C4BPA: variants seen among roughly 807,000 people sequenced by gnomAD.
C4BPA encodes the protein C4b-binding protein alpha chain.
C4BPA carries 31 observed loss-of-function variants against 63.7 expected under a neutral mutation model. The ratio of observed to expected loss-of-function variants is 0.49; its 90% confidence interval spans 0.37 to 0.66. The LOEUF is 0.66. Among genes scored for constraint, C4BPA ranks in the 30% least tolerant of loss-of-function variants. C4BPA has a pLI of 0.00. For missense variants in C4BPA, 572 were observed against 723.3 expected (o/e 0.79, Z 2.40); for synonymous variants, 259 against 254.7 (o/e 1.02, Z -0.16).
chr1:207,121,751 A>G (rs1398131588), intron 4 of C4BPA, among the ~76,000 whole-genome samples: 1 of 152,094 alleles, frequency 6.6e-6, no homozygotes, highest in Non-Finnish European at 1.5e-5. Context: ...AAATTTATAT[A>G]ATATCATTAT....
At chr1:207,110,560 C>T (rs1224686096) in intron 1 of C4BPA, among the ~76,000 whole-genome samples, 12 of 151,980 alleles carry the variant, frequency 7.9e-5, no homozygotes, top group Admixed American at 2.0e-4. Context: ...GAGGCCGAGG[C>T]GGGAGAATTG....
chr1:207,121,336 C>T (rs1026788202), intron 4 of C4BPA, among the ~76,000 whole-genome samples: 5 of 152,034 alleles, frequency 3.3e-5, no homozygotes, highest in African/African-American at 1.2e-4. Flanking sequence ...AGATTCATAG[C>T]TCTTCACTGA....
intron 4 of C4BPA, among the ~76,000 whole-genome samples, chr1:207,118,165 GTCTA>G (rs956859420): frequency 2.7e-3 from 207 of 77,144 alleles, no homozygotes; most frequent in Middle Eastern, 6.4e-3. Context: ...CTGTCTGTCT[GTCTA>G]TCTATCTATA....
At chr1:207,109,525 C>T (rs554322031) in intron 1 of C4BPA, among the ~76,000 whole-genome samples, 1 of 152,160 alleles carries the variant, frequency 6.6e-6, no homozygotes, top group Non-Finnish European at 1.5e-5. Flanking sequence ...CCATGGGACT[C>T]GGTTCCCATG....
At chr1:207,127,629 A>G (rs1685074138) in intron 7 of C4BPA, 2 of 152,230 alleles carry the variant, frequency 1.3e-5, no homozygotes, top group African/African-American at 2.4e-5. Flanking sequence ...GTGGTGGAGG[A>G]GTTTGGGGAA....
chr1:207,110,484 G>A (rs904515880), intron 1 of C4BPA, among the ~76,000 whole-genome samples: 2 of 152,126 alleles, frequency 1.3e-5, no homozygotes, highest in Non-Finnish European at 2.9e-5. Context: ...ATCTAACATT[G>A]TTTCAAGAAA....
At chr1:207,131,403 G>T (rs1685155537) in intron 7 of C4BPA, 143 bp from the exon 8 acceptor site, 1 of 605,002 alleles carries the variant, frequency 1.7e-6, no homozygotes, top group Non-Finnish European at 2.9e-6. Flanking sequence ...GTGTTTTCTG[G>T]TGTGGTTGAT....
chr1:207,124,276 C>G lies in C4BPA; in HGVS notation c.616C>G (p.Arg206Gly). Residue 206 changes from arginine to glycine, a missense_variant, in exon 6 of 12, where the codon CGC becomes GGC. Coordinates refer to ENST00000367070, the MANE Select transcript of C4BPA (RefSeq NM_000715.4). ...GFSVTYSCDPRFSLLGHASIS... is the reference protein window; with the variant it reads ...GFSVTYSCDPGFSLLGHASIS... ...TTCTGTCACCTACAGCTGTGACCCCCGCTTCTCACTCTTGGGCCATGCCTC... is the reference window on the plus strand; with the variant it reads ...TTCTGTCACCTACAGCTGTGACCCCGGCTTCTCACTCTTGGGCCATGCCTC... 4 of 1,613,864 alleles carry G rather than the reference C, an allele frequency of 2.5e-6. No individual in the cohort carries two copies. Among genetic ancestry groups the G allele is most frequent in the Non-Finnish European group, 3.4e-6 (4 of 1,179,842 alleles).
chr1:207,106,566 C>T (rs533487457), intron 1 of C4BPA, among the ~76,000 whole-genome samples: 8 of 142,066 alleles, frequency 5.6e-5, no homozygotes, highest in South Asian at 4.6e-4. Flanking sequence ...CTCAGCCTCC[C>T]GAGTAGCTGG....
chr1:207,121,164 C>A (rs945670074), intron 4 of C4BPA, among the ~76,000 whole-genome samples: 10 of 152,036 alleles, frequency 6.6e-5, no homozygotes, highest in Non-Finnish European at 1.0e-4. Context: ...TCTTTATATA[C>A]CTTAAGCATG....
At chr1:207,115,141 C>T (rs889527260) in intron 3 of C4BPA, among the ~76,000 whole-genome samples, 1 of 152,164 alleles carries the variant, frequency 6.6e-6, no homozygotes, top group Non-Finnish European at 1.5e-5. Context: ...GCAAAGCTCT[C>T]CCGTCCCTGG....
intron 9 of C4BPA, among the ~76,000 whole-genome samples, chr1:207,136,230 C>T (rs1276970388): frequency 1.3e-5 from 2 of 152,212 alleles, no homozygotes; most frequent in African/African-American, 2.4e-5. Flanking sequence ...TGCTTGTCTT[C>T]CATGCATGCC....
At chr1:207,127,348 G>A (rs963609645) in intron 7 of C4BPA, 3 of 152,220 alleles carry the variant, frequency 2.0e-5, no homozygotes, top group African/African-American at 7.2e-5. Context: ...ACACTCTGAA[G>A]TTATAAACTC....
Position 207,131,530 on chromosome 1 carries a change from CT to C in C4BPA, c.890-14del. 6.3e-7 allele frequency: 1 copy of C among 1,575,886 alleles called. No individual in the cohort carries two copies. The highest frequency in any genetic ancestry group is 8.7e-7 in the Non-Finnish European group (1 of 1,149,018). On this transcript the variant is annotated splice_polypyrimidine_tract_variant and intron_variant, in intron 7 of 11. Coordinates refer to ENST00000367070, the MANE Select transcript of C4BPA (RefSeq NM_000715.4). ...ATAGCGTCCTTTTGTTCTTCTTCTT[CT>C]TCTTTCATGAGTAGATAGTTGTATT... is the stretch of plus-strand genomic sequence containing the variant.
intron 4 of C4BPA, 144 bp from the exon 5 acceptor site, chr1:207,123,778 A>C: frequency 1.7e-6 from 1 of 600,232 alleles, no homozygotes; most frequent in Admixed American, 2.9e-5. Context: ...ATTTTACTGA[A>C]TGGAGTGCTT....
chr1:207,112,578 C>G (rs1456913185), intron 1 of C4BPA, among the ~76,000 whole-genome samples: 1 of 152,156 alleles, frequency 6.6e-6, no homozygotes, highest in African/African-American at 2.4e-5. Context: ...CACTTTTATT[C>G]CCCAAGGAGT....
At chr1:207,126,471 A>C (rs1411205311) in intron 6 of C4BPA, among the ~76,000 whole-genome samples, 6 of 149,262 alleles carry the variant, frequency 4.0e-5, no homozygotes, top group Non-Finnish European at 8.9e-5. Flanking sequence ...TAACTTCTTC[A>C]ACTTCTCCAC....
intron 9 of C4BPA, among the ~76,000 whole-genome samples, chr1:207,135,693 G>A (rs886583583): frequency 3.9e-5 from 6 of 152,136 alleles, no homozygotes; most frequent in African/African-American, 9.7e-5. Flanking sequence ...TATAAAAGTC[G>A]ATATGATTCA....
intron 9 of C4BPA, among the ~76,000 whole-genome samples, 156 bp downstream of exon 9, chr1:207,134,748 C>G (rs1448368112): frequency 1.3e-5 from 2 of 152,130 alleles, no homozygotes; most frequent in Non-Finnish European, 2.9e-5. Flanking sequence ...ATTGTGTGTT[C>G]CCTTTCTTTT....
Sources: allele counts gnomAD v4.1 joint callset (sites outside exome capture counted in the v4.1 genomes callset), GRCh38; gene constraint gnomAD v4.1.1; transcripts MANE v1.5; gene names NCBI Gene and HGNC (gene_info 2026-07-23, HGNC 2026-07-21).